SLC35F1: variants seen among roughly 807,000 people sequenced by gnomAD.
SLC35F1 encodes solute carrier family 35 member F1.
In SLC35F1, 14 loss-of-function variants were observed where a neutral mutation model predicts 48.7. That is an observed-to-expected ratio of 0.29 (90% confidence interval 0.19 to 0.45). SLC35F1 has a LOEUF of 0.45. Among genes scored for constraint, SLC35F1 ranks in the 20% least tolerant of loss-of-function variants. SLC35F1 has a pLI of 1.00. For missense variants in SLC35F1, 404 were observed against 500.0 expected, an observed-to-expected ratio of 0.81 and a Z score of 1.83; for synonymous variants, 190 against 202.2, an observed-to-expected ratio of 0.94 and a Z score of 0.51.
At chr6:118,017,925 A>T (rs1293754368) in intron 1 of SLC35F1, among the ~76,000 whole-genome samples, 1 of 152,232 alleles carries the variant, frequency 6.6e-6, no homozygotes, top group African/African-American at 2.4e-5. Flanking sequence ...GTAACAGTTC[A>T]TATGGTGCCT....
chr6:118,277,683 C>T, intron 6 of SLC35F1, 137 bp downstream of exon 6: 1 of 750,304 alleles, frequency 1.3e-6, no homozygotes, highest in Non-Finnish European at 2.3e-6. Flanking sequence ...ATCCCTTTGT[C>T]ATTTCAGGAA....
chr6:118,168,243 C>T (rs1053271599), intron 2 of SLC35F1, among the ~76,000 whole-genome samples: 6 of 152,096 alleles, frequency 3.9e-5, no homozygotes, highest in Non-Finnish European at 7.4e-5. Context: ...TGCTGGGCTT[C>T]TATGAACTAG....
At chr6:118,202,145 A>G (rs1224498864) in intron 2 of SLC35F1, among the ~76,000 whole-genome samples, 2 of 152,218 alleles carry the variant, frequency 1.3e-5, no homozygotes, top group Non-Finnish European at 2.9e-5. Context: ...AAATTTCTGG[A>G]TCATATGGTA....
intron 1 of SLC35F1, among the ~76,000 whole-genome samples, chr6:118,018,274 G>A (rs999136305): frequency 1.3e-5 from 2 of 152,074 alleles, no homozygotes; most frequent in Non-Finnish European, 2.9e-5. Flanking sequence ...GGGAGGTTGA[G>A]GCAGGAGAAT....
At chr6:117,914,740 G>A (rs1053839322) in intron 1 of SLC35F1, among the ~76,000 whole-genome samples, 3 of 152,082 alleles carry the variant, frequency 2.0e-5, no homozygotes, top group African/African-American at 4.8e-5. Context: ...ATGTTTTCAA[G>A]CTGATCTGAC....
At chr6:118,307,633 T>A (rs1036536805) in intron 7 of SLC35F1, among the ~76,000 whole-genome samples, 2 of 152,182 alleles carry the variant, frequency 1.3e-5, no homozygotes, top group Admixed American at 1.3e-4. Context: ...TTCATAATAA[T>A]AAAAATGATC....
chr6:118,046,452 C>A (rs111456612), intron 1 of SLC35F1, among the ~76,000 whole-genome samples: 16 of 152,260 alleles, frequency 1.1e-4, no homozygotes, highest in African/African-American at 3.9e-4. Context: ...TTACCGAGTG[C>A]TCTTGCAAAG....
chr6:118,053,079 G>GA (rs201602105), intron 1 of SLC35F1, among the ~76,000 whole-genome samples: 2,238 of 146,870 alleles, frequency 0.015, 61 homozygotes, highest in African/African-American at 0.051. Flanking sequence ...GCCTCATTTT[G>GA]AAAAAAAAAA....
intron 2 of SLC35F1, among the ~76,000 whole-genome samples, chr6:118,184,637 G>A (rs1774631272): frequency 6.6e-6 from 1 of 152,178 alleles, no homozygotes; most frequent in African/African-American, 2.4e-5. Context: ...TACCATACAT[G>A]TCTGTCTTCA....
intron 2 of SLC35F1, among the ~76,000 whole-genome samples, chr6:118,191,066 T>G (rs921715902): frequency 2.0e-5 from 3 of 152,048 alleles, no homozygotes; most frequent in Admixed American, 1.3e-4. Context: ...TTCCAAACCA[T>G]GGAAAAAGGA....
At chr6:118,138,226 T>G (rs1276291920) in intron 1 of SLC35F1, among the ~76,000 whole-genome samples, 1 of 151,728 alleles carries the variant, frequency 6.6e-6, no homozygotes, top group African/African-American at 2.4e-5. Flanking sequence ...GAGGATCACT[T>G]GAGCTCAGGA....
At chr6:118,277,679 T>C (rs1269569434) in intron 6 of SLC35F1, 133 bp downstream of exon 6, 6 of 768,496 alleles carry the variant, frequency 7.8e-6, no homozygotes, top group South Asian at 6.4e-5. Flanking sequence ...TGAAATCCCT[T>C]TGTCATTTCA....
intron 1 of SLC35F1, among the ~76,000 whole-genome samples, chr6:117,995,634 G>A (rs1480732031): frequency 6.6e-6 from 1 of 152,070 alleles, no homozygotes; most frequent in African/African-American, 2.4e-5. Context: ...CCAGCTGCTC[G>A]AGAGGCTGAG....
intron 1 of SLC35F1, among the ~76,000 whole-genome samples, chr6:118,027,083 T>G (rs1202936668): frequency 1.3e-5 from 2 of 152,198 alleles, no homozygotes; most frequent in Non-Finnish European, 2.9e-5. Flanking sequence ...GTCTGGGTTC[T>G]TTTACTTAGC....
At chr6:118,040,053 G>T (rs1441397159) in intron 1 of SLC35F1, among the ~76,000 whole-genome samples, 1 of 151,992 alleles carries the variant, frequency 6.6e-6, no homozygotes, top group Non-Finnish European at 1.5e-5. Context: ...GCTGCTTTGG[G>T]TCTGTCTCAC....
At chr6:118,052,916 C>G (rs1042505036) in intron 1 of SLC35F1, among the ~76,000 whole-genome samples, 4 of 151,988 alleles carry the variant, frequency 2.6e-5, no homozygotes, top group African/African-American at 9.7e-5. Flanking sequence ...GTTGTTCTTT[C>G]CATAAACTGT....
At chr6:118,268,329 G>A (rs1775803634) in intron 4 of SLC35F1, among the ~76,000 whole-genome samples, 1 of 151,864 alleles carries the variant, frequency 6.6e-6, no homozygotes, top group Non-Finnish European at 1.5e-5. Flanking sequence ...GACAGCCTCA[G>A]CCTCACACAT....
At chr6:118,040,236 C>T (rs1353524629) in intron 1 of SLC35F1, among the ~76,000 whole-genome samples, 1 of 152,148 alleles carries the variant, frequency 6.6e-6, no homozygotes, top group Non-Finnish European at 1.5e-5. Context: ...TTTTAGCTAC[C>T]TACACTGTAA....
chr6:118,077,499 A>G (rs1214813017), intron 1 of SLC35F1, among the ~76,000 whole-genome samples: 1 of 152,250 alleles, frequency 6.6e-6, no homozygotes, highest in Non-Finnish European at 1.5e-5. Context: ...ATAAAATCCT[A>G]TCAATCAAAT....
Sources: gnomAD v4.1 joint callset for allele counts (sites outside exome capture counted in the v4.1 genomes callset) on GRCh38, gnomAD v4.1.1 for gene constraint, MANE v1.5 for transcripts, NCBI Gene and HGNC (gene_info 2026-07-23, HGNC 2026-07-21) for gene names.